FLT1: variants seen among roughly 807,000 people sequenced by gnomAD.
FLT1 encodes fms related receptor tyrosine kinase 1, also known as vascular endothelial growth factor receptor 1.
Under a neutral mutation model 156.3 loss-of-function variants are expected in FLT1, and 49 were observed. The ratio of observed to expected loss-of-function variants is 0.31; its 90% CI spans 0.25 to 0.40. FLT1 has a LOEUF of 0.40. Ranked by LOEUF, FLT1 falls within the 10% of genes least tolerant of loss-of-function variation. The pLI is 1.00. For missense variants in FLT1, 1,322 were observed against 1,637.2 expected (o/e 0.81, Z 3.32); for synonymous variants, 594 against 583.8 (o/e 1.02, Z -0.25).
chr13:28,402,582 A>T (rs1875513229), intron 11 of FLT1, among the ~76,000 whole-genome samples: 1 of 152,046 alleles, frequency 6.6e-6, no homozygotes, highest in African/African-American at 2.4e-5. Context: ...ATCTATATAT[A>T]TAGAGAGAGA....
At chr13:28,410,626 C>A (rs1241423482) in intron 10 of FLT1, among the ~76,000 whole-genome samples, 1 of 152,200 alleles carries the variant, frequency 6.6e-6, no homozygotes, top group African/African-American at 2.4e-5. Context: ...CATTTCAAAT[C>A]TCTGTTGTGC....
At chr13:28,417,369 T>C (rs1369397402) in intron 10 of FLT1, among the ~76,000 whole-genome samples, 1 of 152,154 alleles carries the variant, frequency 6.6e-6, no homozygotes, top group Non-Finnish European at 1.5e-5. Context: ...CTTTCCAAGA[T>C]CTACCCATCC....
intron 20 of FLT1, among the ~76,000 whole-genome samples, chr13:28,324,305 T>C (rs889410894): frequency 6.6e-6 from 1 of 152,186 alleles, no homozygotes; most frequent in Non-Finnish European, 1.5e-5. Context: ...ATTTGCATGG[T>C]GTGGCAGTTC....
chr13:28,423,577 G>C (rs936382540), intron 10 of FLT1, among the ~76,000 whole-genome samples: 1 of 152,168 alleles, frequency 6.6e-6, no homozygotes, highest in Non-Finnish European at 1.5e-5. Flanking sequence ...CTTATTTAAA[G>C]AAATGTACCC....
intron 15 of FLT1, among the ~76,000 whole-genome samples, chr13:28,350,867 C>T (rs113689031): frequency 0.01 from 1,555 of 151,648 alleles, 55 homozygotes; most frequent in Admixed American, 0.061. Context: ...TGCTTGCCTG[C>T]CTTCCTTCCT....
At chr13:28,462,529 C>A (rs958573441) in intron 3 of FLT1, among the ~76,000 whole-genome samples, 27 of 152,162 alleles carry the variant, frequency 1.8e-4, no homozygotes, top group African/African-American at 4.8e-4. Context: ...TAATTAGATT[C>A]AATTCATTTT....
intron 10 of FLT1, among the ~76,000 whole-genome samples, chr13:28,422,979 C>A (rs1877098828): frequency 6.6e-6 from 1 of 152,150 alleles, no homozygotes; most frequent in Non-Finnish European, 1.5e-5. Context: ...TTGCCATGGA[C>A]AATCTTATCT....
At chr13:28,309,917 C>G (rs201335104) in intron 27 of FLT1, among the ~76,000 whole-genome samples, 1 of 108,690 alleles carries the variant, frequency 9.2e-6, no homozygotes, top group Non-Finnish European at 1.7e-5. Context: ...GGAGACAGAG[C>G]CTTGCTCTGT....
chr13:28,374,813 C>G (rs1463738268), intron 14 of FLT1, among the ~76,000 whole-genome samples: 1 of 152,072 alleles, frequency 6.6e-6, no homozygotes, highest in Admixed American at 6.6e-5. Flanking sequence ...GTGCCCGGCC[C>G]TCCTATTTCT....
intron 10 of FLT1, among the ~76,000 whole-genome samples, chr13:28,424,721 G>A (rs1877241377): frequency 6.6e-6 from 1 of 152,124 alleles, no homozygotes; most frequent in Non-Finnish European, 1.5e-5. Context: ...AAATTTAAAT[G>A]CCAGGAATTA....
chr13:28,485,713 T>A (rs1252131814), intron 1 of FLT1, among the ~76,000 whole-genome samples: 1 of 152,150 alleles, frequency 6.6e-6, no homozygotes, highest in Non-Finnish European at 1.5e-5. Context: ...ACCAATAGAA[T>A]GTGGTAGAGC....
chr13:28,319,431 A>G lies in FLT1; in HGVS notation c.3278T>C (p.Phe1093Ser). Residue 1093 changes from phenylalanine to serine, a missense_variant, in exon 24 of 30, where the codon TTC (phenylalanine) becomes TCC (serine). Around this residue, in one of 3 missense-constraint regions of FLT1, gnomAD observed 329 missense variants for 366.2 expected, o/e 0.90. Coordinates refer to ENST00000282397, the MANE Select transcript of FLT1 (RefSeq NM_002019.4). ...WSYGVLLWEI[F>S]SLGGSPYPGV... is the part of the protein sequence containing the mutation. Reference sequence around the variant, plus strand: ...CCTTCTCCCAAATTTACCTAAGGAGAAGATTTCCCACAGCAATACTCCGTA... The same window carrying G: ...CCTTCTCCCAAATTTACCTAAGGAGGAGATTTCCCACAGCAATACTCCGTA... 6.2e-7 allele frequency: 1 copy of G among 1,607,064 alleles called. No homozygotes were observed. Among genetic ancestry groups the G allele is most frequent in the Non-Finnish European group, 8.5e-7 (1 of 1,173,708 alleles).
intron 14 of FLT1, among the ~76,000 whole-genome samples, chr13:28,372,566 GTATATATATATATATATATATATATATA>G (rs57608920): frequency 6.6e-5 from 6 of 91,478 alleles, no homozygotes; most frequent in Admixed American, 1.3e-4. Context: ...TAAATAAAAT[GTATATATATATATATATATATATATATA>G]TATATATAGC....
At position 28,430,064 on chromosome 13, in the gene FLT1, C is replaced by A; in HGVS notation, c.1092G>T (p.Ser364=). 6.2e-7 allele frequency: 1 copy of A among 1,610,046 alleles called. No individual in the cohort carries two copies. The highest frequency in any genetic ancestry group is 8.5e-7 in the Non-Finnish European group (1 of 1,176,346). Residue 364 remains serine (S), a synonymous_variant, in exon 8 of 30, where the codon TCG becomes TCT. Transcript: ENST00000282397. The stretch of plus-strand genomic sequence containing the variant: ...GATGGTCCTACCATACAACTTCCGG[C>A]GAGGGAAATGCCTTCACTTTCATAG... ...RLSMKVKAFP[S]PEVVWLKDGL...
At chr13:28,486,057 G>T (rs539571250) in intron 1 of FLT1, among the ~76,000 whole-genome samples, 1 of 152,340 alleles carries the variant, frequency 6.6e-6, no homozygotes, top group African/African-American at 2.4e-5. Context: ...GATCCAAATG[G>T]CTATTGTGCC....
chr13:28,340,361 T>G (rs1872287598), intron 16 of FLT1, among the ~76,000 whole-genome samples: 1 of 152,198 alleles, frequency 6.6e-6, no homozygotes, highest in South Asian at 2.1e-4. Flanking sequence ...TTTTTTATCT[T>G]GGTAATGCAA....
chr13:28,326,740 G>A (rs1871698620), intron 20 of FLT1, among the ~76,000 whole-genome samples: 1 of 151,950 alleles, frequency 6.6e-6, no homozygotes, highest in Non-Finnish European at 1.5e-5. Flanking sequence ...TGGCCAGGCT[G>A]GTTTCGAACT....
chr13:28,360,095 G>A (rs914247497), intron 14 of FLT1, among the ~76,000 whole-genome samples: 1 of 152,178 alleles, frequency 6.6e-6, no homozygotes, highest in African/African-American at 2.4e-5. Flanking sequence ...GGGTGACAGA[G>A]CGAGACTTTG....
At chr13:28,407,484 A>G (rs894991494) in intron 10 of FLT1, among the ~76,000 whole-genome samples, 4 of 152,142 alleles carry the variant, frequency 2.6e-5, no homozygotes, top group Admixed American at 2.0e-4. Context: ...TTTTAGCCCT[A>G]TGTACTTCAG....
Sources: gnomAD v4.1 joint callset for allele counts (sites outside exome capture counted in the v4.1 genomes callset) on GRCh38, gnomAD v4.1.1 for gene constraint, gnomAD v4.1.1 regional missense constraint, MANE v1.5 for transcripts, NCBI Gene and HGNC (gene_info 2026-07-23, HGNC 2026-07-21) for gene names.